The following ITGA11 variants were observed in gnomAD, a reference collection of about 807,000 sequenced individuals.
The protein encoded by ITGA11 is integrin subunit alpha 11, also known as integrin alpha-11.
Under a neutral mutation model 141.9 loss-of-function variants are expected in ITGA11, and 97 were observed. That is an observed-to-expected ratio of 0.68 (90% CI 0.58 to 0.81). ITGA11 has a LOEUF of 0.81. Among genes scored for constraint, ITGA11 ranks in the 30% least tolerant of loss-of-function variants. The pLI is 0.00. For missense variants in ITGA11, 1,387 were observed against 1,559.2 expected (o/e 0.89, Z 1.86); for synonymous variants, 658 against 624.6 (o/e 1.05, Z -0.80).
At chr15:68,375,778 T>G (rs1312846658) in intron 2 of ITGA11, among the ~76,000 whole-genome samples, 1 of 152,250 alleles carries the variant, frequency 6.6e-6, no homozygotes, top group Non-Finnish European at 1.5e-5. Flanking sequence ...TGTGTCAACT[T>G]GACTGGGCCA....
At chr15:68,334,452 A>G (rs1376430569) in intron 12 of ITGA11, among the ~76,000 whole-genome samples, 1 of 152,246 alleles carries the variant, frequency 6.6e-6, no homozygotes, top group Non-Finnish European at 1.5e-5. Context: ...ACCCTGGCTC[A>G]TGATTCTGCC....
At chr15:68,361,811 T>A in intron 4 of ITGA11, 107 bp from the exon 5 acceptor site, 2 of 718,676 alleles carry the variant, frequency 2.8e-6, no homozygotes, top group South Asian at 3.4e-5. Flanking sequence ...GACAGACTTC[T>A]ATCTGAGGGG....
rs58175526 is a variant in ITGA11, at chr15:68,300,789, C to G, written c.*2270G>C. On this transcript the variant is annotated 3_prime_UTR_variant, in exon 30 of 30. Coordinates refer to ENST00000315757, the MANE Select transcript of ITGA11 (RefSeq NM_001004439.2). ...GAGTCCAGAGGTTGCAATTCAGTGA[C>G]CTCTGGGCTGCATCTGACCAGCAGG... 41,198 of 151,970 alleles carry G rather than the reference C, an allele frequency of 0.27. 6,191 individuals carry two copies. The highest frequency in any genetic ancestry group is 0.34 in the Non-Finnish European group (23,062 of 67,940). 9.4% of individuals were successfully genotyped at this position (151,970 alleles called of 1,614,324 possible). A position where few individuals can be genotyped will look rare whatever the true frequency, so the allele number is the denominator to read the frequency against.
At chr15:68,356,241 G>T (rs972697962) in intron 7 of ITGA11, among the ~76,000 whole-genome samples, 1 of 151,728 alleles carries the variant, frequency 6.6e-6, no homozygotes, top group Non-Finnish European at 1.5e-5. Flanking sequence ...GACTACAAGC[G>T]CATGCCGCCA....
intron 20 of ITGA11, among the ~76,000 whole-genome samples, chr15:68,318,793 C>A (rs2140284367): frequency 6.6e-6 from 1 of 152,248 alleles, no homozygotes; most frequent in South Asian, 2.1e-4. Flanking sequence ...ACTGGCCTGG[C>A]ACCTGTCTTG....
intron 21 of ITGA11, among the ~76,000 whole-genome samples, chr15:68,316,602 T>G (rs1893586149): frequency 6.6e-6 from 1 of 152,180 alleles, no homozygotes; most frequent in Admixed American, 6.5e-5. Context: ...TAAGGAGCCC[T>G]CATCCCCACT....
chr15:68,307,607 C>T lies in ITGA11; in HGVS notation c.3264G>A (p.Leu1088=). ...TTACTGCTTTTAGGGACCTCAACCA[C>T]AGGTTCCCCAGTAGATGGAAATTGA... ...QEINFHLLGN[L]WLRSLKALKY... Residue 1088 remains leucine, a synonymous_variant, in exon 27 of 30, where the codon CTG becomes CTA. Coordinates refer to ENST00000315757, the MANE Select transcript of ITGA11 (RefSeq NM_001004439.2). This position sits in a 1 kb window ranked among gnomAD's most constrained non-coding sequence, Gnocchi z 6.1. 6.2e-7 allele frequency: 1 copy of T among 1,613,256 alleles called. No homozygotes were observed. Among genetic ancestry groups the T allele is most frequent in the East Asian group, 2.2e-5 (1 of 44,878 alleles).
chr15:68,338,470 C>T (rs994702530), intron 11 of ITGA11, among the ~76,000 whole-genome samples: 3 of 152,180 alleles, frequency 2.0e-5, no homozygotes, highest in African/African-American at 7.2e-5. Context: ...TAACACCTTG[C>T]GAATTAAATG....
At chr15:68,409,128 C>G (rs189674552) in intron 1 of ITGA11, among the ~76,000 whole-genome samples, 1 of 149,956 alleles carries the variant, frequency 6.7e-6, no homozygotes, top group Non-Finnish European at 1.5e-5. Context: ...ATGCTGTTCA[C>G]CATGCCTGGA....
intron 10 of ITGA11, among the ~76,000 whole-genome samples, chr15:68,341,435 T>G (rs8035990): frequency 1.3e-5 from 2 of 152,104 alleles, no homozygotes; most frequent in Non-Finnish European, 1.5e-5. Flanking sequence ...TGTTCATTAT[T>G]TGCACTTGAC....
At chr15:68,320,460 A>C (rs922300392) in intron 19 of ITGA11, 68 bp from the exon 20 acceptor site, 1 of 1,395,958 alleles carries the variant, frequency 7.2e-7, no homozygotes, top group Non-Finnish European at 9.8e-7. Context: ...GAGGAGCCCC[A>C]GGGTTGGGGC....
intron 6 of ITGA11, among the ~76,000 whole-genome samples, chr15:68,357,642 G>T (rs1267755751): frequency 6.6e-6 from 1 of 151,934 alleles, no homozygotes; most frequent in African/African-American, 2.4e-5. Context: ...TGGGTGGAAG[G>T]TCACAGTGTT....
intron 21 of ITGA11, 136 bp downstream of exon 21, chr15:68,317,129 A>C: frequency 1.5e-6 from 1 of 661,030 alleles, no homozygotes; most frequent in Non-Finnish European, 2.7e-6. Context: ...AGAAAAGACA[A>C]ATAAAAGCCA....
At chr15:68,358,682 G>T (rs1895148817) in intron 5 of ITGA11, 97 bp from the exon 6 acceptor site, 3 of 1,301,752 alleles carry the variant, frequency 2.3e-6, no homozygotes, top group South Asian at 3.1e-5. Flanking sequence ...GAATGACTCT[G>T]CTCCATATGT....
chr15:68,307,549 CT>C lies in ITGA11; in HGVS notation c.3285+36del. The C allele has an allele frequency of 6.4e-7, 1 of 1,555,940 alleles. No homozygotes were observed. The highest frequency in any genetic ancestry group is 8.8e-7 in the Non-Finnish European group (1 of 1,136,046). ...ACATCCCAACAGCCGCCCCCTTTCC[CT>C]TCTTCCTTCCAGCCCAGCCCAGGGG... On this transcript the variant is annotated intron_variant, in intron 27 of 29. Coordinates refer to ENST00000315757, the MANE Select transcript of ITGA11 (RefSeq NM_001004439.2). This position sits in a 1 kb window ranked among gnomAD's most constrained non-coding sequence, Gnocchi z 6.1.
At chr15:68,427,012 C>CAAA (rs148867034) in intron 1 of ITGA11, among the ~76,000 whole-genome samples, 1 of 47,826 alleles carries the variant, frequency 2.1e-5, no homozygotes, top group African/African-American at 9.5e-5. Context: ...AAGACTGTCT[C>CAAA]AAAAAAAAAA....
At chr15:68,412,312 C>T (rs1317643241) in intron 1 of ITGA11, among the ~76,000 whole-genome samples, 1 of 152,072 alleles carries the variant, frequency 6.6e-6, no homozygotes, top group Non-Finnish European at 1.5e-5. Context: ...TCAGGAAGAC[C>T]CAACATTAGG....
At chr15:68,344,823 G>A (rs1290034124) in intron 10 of ITGA11, among the ~76,000 whole-genome samples, 1 of 151,658 alleles carries the variant, frequency 6.6e-6, no homozygotes, top group Non-Finnish European at 1.5e-5. Context: ...CCTTGGGTGA[G>A]TCACCAAGGT....
chr15:68,346,529 G>T (rs1285517221), intron 10 of ITGA11, among the ~76,000 whole-genome samples: 1 of 152,182 alleles, frequency 6.6e-6, no homozygotes, highest in Non-Finnish European at 1.5e-5. Flanking sequence ...TTTCTTTAAT[G>T]TACCTGGTAC....
Sources: allele counts gnomAD v4.1 joint callset (sites outside exome capture counted in the v4.1 genomes callset), GRCh38; gene constraint gnomAD v4.1.1; non-coding constraint Gnocchi (gnomAD v3.1); transcripts MANE v1.5; gene names NCBI Gene and HGNC (gene_info 2026-07-23, HGNC 2026-07-21).